The following LRP1B variants were observed in gnomAD, a reference collection of about 807,000 sequenced individuals.
LRP1B encodes LDL receptor related protein 1B.
In LRP1B, 217 loss-of-function variants were observed where a neutral mutation model predicts 556.6. The observed-to-expected ratio is 0.39, with a 90% confidence interval of 0.35 to 0.44. The LOEUF (loss-of-function observed/expected upper bound fraction) is 0.44, where lower values mean the gene tolerates loss of function less well. Ranked by LOEUF, LRP1B falls within the 20% of genes least tolerant of loss-of-function variation. The pLI is 1.00. For synonymous variants in LRP1B, 2,047 were observed against 1,865.8 expected (o/e 1.10, Z -2.50); for missense variants, 5,053 against 5,620.8 (o/e 0.90, Z 3.23).
At chr2:141,579,975 C>T (rs573192026) in intron 2 of LRP1B, among the ~76,000 whole-genome samples, 1 of 152,182 alleles carries the variant, frequency 6.6e-6, no homozygotes, top group Non-Finnish European at 1.5e-5. Context: ...TCTGGGATTA[C>T]AGGCGTGAGC....
At chr2:141,549,796 A>G (rs920253664) in intron 2 of LRP1B, among the ~76,000 whole-genome samples, 1 of 152,138 alleles carries the variant, frequency 6.6e-6, no homozygotes, top group African/African-American at 2.4e-5. Flanking sequence ...AGAGTTCGAG[A>G]CCAGACTGGC....
chr2:140,936,339 C>CAAA (rs59717868), intron 20 of LRP1B, among the ~76,000 whole-genome samples: 194 of 86,614 alleles, frequency 2.2e-3, no homozygotes, highest in Middle Eastern at 7.9e-3. Context: ...GACTCCGTCT[C>CAAA]AAAAAAAAAA....
intron 3 of LRP1B, among the ~76,000 whole-genome samples, chr2:141,409,519 C>A (rs149558422): frequency 6.4e-4 from 97 of 152,174 alleles, no homozygotes; most frequent in African/African-American, 2.2e-3. Flanking sequence ...GAGTATAAAA[C>A]CCTGGCCCGT....
rs1200913176 is a variant in LRP1B, at chr2:140,231,447, A to G, written c.*1739T>C. On this transcript the variant is annotated 3_prime_UTR_variant, in exon 91 of 91. Transcript: ENST00000389484. The stretch of plus-strand genomic sequence containing the variant: ...CTTAAATATGTAGAATTTCATTTAA[A>G]TAAGTCAGTCAACAATTTTTTATAA... 1 of 151,836 alleles carries G rather than the reference A, an allele frequency of 6.6e-6. No individual in the cohort carries two copies. Among genetic ancestry groups the G allele is most frequent in the African/African-American group, 2.4e-5 (1 of 41,358 alleles). 9.4% of individuals were successfully genotyped at this position (151,836 alleles called of 1,614,324 possible).
intron 78 of LRP1B, among the ~76,000 whole-genome samples, 178 bp from the exon 79 acceptor site, chr2:140,334,737 C>T (rs1558810386): frequency 6.6e-6 from 1 of 152,026 alleles, no homozygotes; most frequent in Non-Finnish European, 1.5e-5. Context: ...GGGGAATCAA[C>T]ATTTTAAAGA....
rs752125494 is a variant in LRP1B at position 141,450,253 on chromosome 2, A to G, written c.343+30143T>C. Among the ~76,000 whole-genome samples, 29 of 152,136 alleles carry G rather than the reference A, an allele frequency of 1.9e-4. 1 individual carries two copies. Among genetic ancestry groups the G allele is most frequent in the Non-Finnish European group, 3.7e-4 (25 of 68,028 alleles). On this transcript the variant is annotated intron_variant, in intron 3 of 90. Coordinates refer to ENST00000389484, the MANE Select transcript of LRP1B (RefSeq NM_018557.3). ...CCAAACACACATTTCATTAGTTCTG[A>G]TATACAAGCTAATAGTGAATAAGAG...
intron 86 of LRP1B, among the ~76,000 whole-genome samples, chr2:140,261,724 CATA>C (rs1172817699): frequency 2.1e-5 from 3 of 141,020 alleles, no homozygotes; most frequent in Middle Eastern, 3.4e-3. Context: ...AGTAAATAAA[CATA>C]AGAGTGTATC....
intron 2 of LRP1B, among the ~76,000 whole-genome samples, chr2:141,764,301 CT>C (rs1210399586): frequency 6.6e-6 from 1 of 152,080 alleles, no homozygotes; most frequent in African/African-American, 2.4e-5. Context: ...CTGCCTCAGC[CT>C]TCCAAGTAGC....
rs748611947 is a variant in LRP1B, at chr2:142,130,755, CGCTGGAGACTGCTCGGCGGCACCTTCG to C, written c.-53_-27del. The C allele has an allele frequency of 5.0e-6, 8 of 1,589,554 alleles. No individual in the cohort carries two copies. The African/African-American group carries it at 1.1e-4, about 21-fold the overall frequency. ...TGTGGTCGCCCGGTAAGGAAGCCTG[CGCTGGAGACTGCTCGGCGGCACCTTCG>C]GCCCGGCGGCGGCGGCGGCGGCAGG... On this transcript the variant is annotated 5_prime_UTR_variant, in exon 1 of 91. Transcript: ENST00000389484.
At chr2:140,856,185 C>T (rs1272786465) in intron 27 of LRP1B, among the ~76,000 whole-genome samples, 3 of 152,172 alleles carry the variant, frequency 2.0e-5, no homozygotes, top group Admixed American at 6.5e-5. Context: ...GTCACTATTC[C>T]CTAAATATCT....
intron 32 of LRP1B, among the ~76,000 whole-genome samples, chr2:140,809,154 G>GT (rs1321238915): frequency 6.6e-6 from 1 of 151,854 alleles, no homozygotes; most frequent in Admixed American, 6.6e-5. Flanking sequence ...TTTTGTTGTT[G>GT]TTTTTTTGTA....
intron 20 of LRP1B, among the ~76,000 whole-genome samples, chr2:140,925,328 C>T (rs1016023062): frequency 4.6e-5 from 7 of 152,110 alleles, no homozygotes; most frequent in African/African-American, 1.2e-4. Flanking sequence ...GAAACTCCTA[C>T]ATTAGTTCAA....
intron 48 of LRP1B, 36 bp downstream of exon 48, chr2:140,526,201 A>G (rs2104969311): frequency 6.3e-7 from 1 of 1,584,284 alleles, no homozygotes; most frequent in Non-Finnish European, 8.7e-7. Flanking sequence ...AAAAGTGCCC[A>G]AGCATAAACA....
At chr2:140,857,521 T>C (rs1692655712) in intron 27 of LRP1B, among the ~76,000 whole-genome samples, 1 of 152,124 alleles carries the variant, frequency 6.6e-6, no homozygotes, top group South Asian at 2.1e-4. Context: ...ATTGAAGAAC[T>C]TGAGTGAATT....
At chr2:141,716,452 C>A (rs1484639931) in intron 2 of LRP1B, among the ~76,000 whole-genome samples, 1 of 152,034 alleles carries the variant, frequency 6.6e-6, no homozygotes, top group Non-Finnish European at 1.5e-5. Flanking sequence ...AGAGGAATGA[C>A]TCTTTTTTTA....
At chr2:141,323,387 C>T (rs1436620530) in intron 3 of LRP1B, among the ~76,000 whole-genome samples, 8 of 152,054 alleles carry the variant, frequency 5.3e-5, no homozygotes, top group Non-Finnish European at 8.8e-5. Context: ...TTTAATGATC[C>T]AACGATCTAC....
chr2:141,350,210 C>T (rs1399394314), intron 3 of LRP1B, among the ~76,000 whole-genome samples: 2 of 151,988 alleles, frequency 1.3e-5, no homozygotes, highest in African/African-American at 4.8e-5. Flanking sequence ...GGACACAGAG[C>T]CAAACCATAT....
At chr2:140,365,890 T>C (rs550816618) in intron 71 of LRP1B, among the ~76,000 whole-genome samples, 289 of 151,832 alleles carry the variant, frequency 1.9e-3, no homozygotes, top group African/African-American at 6.7e-3. Context: ...CTTAAAAGCC[T>C]AGAAAATGCC....
intron 25 of LRP1B, among the ~76,000 whole-genome samples, chr2:140,875,649 A>T (rs1251481184): frequency 6.6e-6 from 1 of 152,172 alleles, no homozygotes; most frequent in African/African-American, 2.4e-5. Flanking sequence ...ATTAGAAAGT[A>T]TGTCTTTTCT....
Sources: gnomAD v4.1 joint callset for allele counts (sites outside exome capture counted in the v4.1 genomes callset) on GRCh38, gnomAD v4.1.1 for gene constraint, MANE v1.5 for transcripts, NCBI Gene and HGNC (gene_info 2026-07-23, HGNC 2026-07-21) for gene names.